Variants in CLSTN1 observed in about 807,000 individuals in gnomAD.
CLSTN1 encodes calsyntenin 1, also known as calsyntenin-1.
CLSTN1 carries 28 observed loss-of-function variants against 108.3 expected under a neutral mutation model. That is an observed-to-expected ratio of 0.26 (90% CI 0.19 to 0.35). CLSTN1 has a LOEUF of 0.35. Among genes scored for constraint, CLSTN1 ranks in the 10% least tolerant of loss-of-function variants. The pLI is 1.00. For missense variants in CLSTN1, 1,157 were observed against 1,302.6 expected (o/e 0.89, Z 1.72); for synonymous variants, 524 against 534.9 (o/e 0.98, Z 0.28).
chr1:9,819,236 T>C (rs1189843415), intron 1 of CLSTN1, among the ~76,000 whole-genome samples: 1 of 152,164 alleles, frequency 6.6e-6, no homozygotes, highest in East Asian at 1.9e-4. Flanking sequence ...TCAACTCTTA[T>C]AAATGAAAAC....
intron 1 of CLSTN1, among the ~76,000 whole-genome samples, chr1:9,773,738 C>G (rs1652801715): frequency 1.3e-5 from 2 of 152,074 alleles, no homozygotes; most frequent in African/African-American, 4.8e-5. Flanking sequence ...ATTTTCACTT[C>G]TTTATGATTT....
intron 1 of CLSTN1, among the ~76,000 whole-genome samples, chr1:9,820,779 C>T (rs1022497943): frequency 2.6e-5 from 4 of 151,856 alleles, no homozygotes; most frequent in African/African-American, 9.7e-5. Flanking sequence ...GGGAAACAGA[C>T]GATAAACAAT....
chr1:9,821,193 C>G (rs959492714), intron 1 of CLSTN1, among the ~76,000 whole-genome samples: 1 of 152,184 alleles, frequency 6.6e-6, no homozygotes, highest in East Asian at 1.9e-4. Context: ...AGTGCAGTGG[C>G]GCAATCTCGG....
intron 1 of CLSTN1, among the ~76,000 whole-genome samples, chr1:9,811,701 A>C (rs1278083971): frequency 6.7e-6 from 1 of 150,036 alleles, no homozygotes. Flanking sequence ...CTATTTACTT[A>C]GTACTCTGAC....
intron 1 of CLSTN1, among the ~76,000 whole-genome samples, chr1:9,818,726 C>A (rs895859561): frequency 1.3e-5 from 2 of 149,194 alleles, no homozygotes; most frequent in Non-Finnish European, 3.0e-5. Context: ...TATTTTGTAG[C>A]AAATCAACAT....
intron 1 of CLSTN1, among the ~76,000 whole-genome samples, chr1:9,814,970 T>A (rs1359409406): frequency 6.6e-6 from 1 of 152,160 alleles, no homozygotes; most frequent in Non-Finnish European, 1.5e-5. Flanking sequence ...TTTTTTCCAG[T>A]CCCTTTCATT....
chr1:9,792,680 A>C (rs1653821649), intron 1 of CLSTN1, among the ~76,000 whole-genome samples: 1 of 151,424 alleles, frequency 6.6e-6, no homozygotes, highest in South Asian at 2.2e-4. Context: ...TGAATCCCAG[A>C]ATACCCCAGA....
Position 9,734,992 on chromosome 1 carries a change from G to A in CLSTN1, c.2066C>T (p.Thr689Met), listed in dbSNP as rs777858203. The A allele has an allele frequency of 5.6e-6, 9 of 1,614,074 alleles. No homozygotes were observed. The highest frequency in any genetic ancestry group is 7.6e-6 in the Non-Finnish European group (9 of 1,180,028). Residue 689 changes from threonine to methionine, a missense_variant, in exon 14 of 19, where the codon ACG becomes ATG. Thr to Met is a moderately conservative substitution (Grantham distance 81, BLOSUM62 -1). Transcript: ENST00000377298. This position sits in a 1 kb window ranked among gnomAD's most constrained non-coding sequence, Gnocchi z 4.8. ...FPELRIISTI[T>M]REVEPEGDGA... ...GTCCCCTTCAGGCTCCACTTCTCTC[G>A]TGATGGTGCTGATGATGCGAAGCTC...
At chr1:9,817,438 C>T (rs1655016008) in intron 1 of CLSTN1, among the ~76,000 whole-genome samples, 1 of 152,170 alleles carries the variant, frequency 6.6e-6, no homozygotes, top group Non-Finnish European at 1.5e-5. Context: ...AGCAATTCTC[C>T]TGCCTCAGCC....
rs553608009 is a variant in CLSTN1 at position 9,802,423 on chromosome 1, T to C, written c.91+21220A>G. Reference sequence around the variant, plus strand: ...CTGCAACTGTGATTTCAGCAGAGTGTGCAAATTTCTGAGATGTTCACATTA... The same window carrying C: ...CTGCAACTGTGATTTCAGCAGAGTGCGCAAATTTCTGAGATGTTCACATTA... On this transcript the variant is annotated intron_variant, in intron 1 of 18. Transcript: ENST00000377298. Among the ~76,000 whole-genome samples, 5 of 152,332 alleles carry C rather than the reference T, an allele frequency of 3.3e-5. No individual in the cohort carries two copies. In the East Asian group the frequency reaches 9.6e-4, roughly 29 times the overall value.
At chr1:9,744,155 T>C in intron 8 of CLSTN1, 150 bp from the exon 9 acceptor site, 4 of 1,223,766 alleles carry the variant, frequency 3.3e-6, no homozygotes, top group Non-Finnish European at 4.5e-6. Flanking sequence ...ACAAATACAC[T>C]TGGGCTTTCC....
In CLSTN1 at chr1:9,796,633, A is replaced by G. The variant is rs187994100; in HGVS notation, c.92-23239T>C. Among the ~76,000 whole-genome samples the G allele has an allele frequency of 6.8e-5, 10 of 146,554 alleles. 1 individual carries two copies. The East Asian group carries it at 1.9e-3, about 28-fold the overall frequency. On this transcript the variant is annotated intron_variant, in intron 1 of 18. Coordinates refer to ENST00000377298, the MANE Select transcript of CLSTN1 (RefSeq NM_001009566.3). Reference sequence around the variant, plus strand: ...TGAGAGGCGGAGCTTGCAGTGAGCCAAGATCACGCCACTGCACTCCAGCCT... The same window carrying G: ...TGAGAGGCGGAGCTTGCAGTGAGCCGAGATCACGCCACTGCACTCCAGCCT...
intron 1 of CLSTN1, among the ~76,000 whole-genome samples, chr1:9,795,868 C>T (rs1306584487): frequency 6.6e-6 from 1 of 150,474 alleles, no homozygotes; most frequent in Non-Finnish European, 1.5e-5. Context: ...GGCAGGAGAA[C>T]TGCTTGAGCC....
intron 2 of CLSTN1, among the ~76,000 whole-genome samples, chr1:9,765,084 A>T (rs1652261206): frequency 6.6e-6 from 1 of 152,028 alleles, no homozygotes; most frequent in Non-Finnish European, 1.5e-5. Context: ...CAAATACCTT[A>T]ATATTTCAAC....
In CLSTN1 at chr1:9,734,304, G is replaced by T. The variant is rs1181009857; in HGVS notation, c.2111-162C>A. ...TGCTTTCAAGAAACGGCTGGGCGCA[G>T]TGGCTCACGCCTGTAATCCCAGCAC... is the stretch of plus-strand genomic sequence containing the variant. On this transcript the variant is annotated intron_variant, in intron 14 of 18. Transcript: ENST00000377298. The surrounding 1 kb of genome is among the most constrained non-coding windows in gnomAD (Gnocchi z 4.8). 6.6e-6 allele frequency among the ~76,000 whole-genome samples: 1 copy of T among 152,226 alleles called. No homozygotes were observed. Among genetic ancestry groups the T allele is most frequent in the Non-Finnish European group, 1.5e-5 (1 of 68,042 alleles).
chr1:9,788,993 G>C (rs1438282994), intron 1 of CLSTN1, among the ~76,000 whole-genome samples: 3 of 151,050 alleles, frequency 2.0e-5, no homozygotes, highest in Non-Finnish European at 4.4e-5. Flanking sequence ...GTGCCCCCCT[G>C]CTGTGGCATG....
Position 9,822,549 on chromosome 1 carries a change from A to G in CLSTN1, c.91+1094T>C, listed in dbSNP as rs1288262280. Among the ~76,000 whole-genome samples, 3 of 152,324 alleles carry G rather than the reference A, an allele frequency of 2.0e-5. No homozygotes were observed. In the East Asian group the frequency reaches 5.8e-4, roughly 29 times the overall value. On this transcript the variant is annotated intron_variant, in intron 1 of 18. Transcript: ENST00000377298. ...CCCCAAAATTTCTTTTGATTAAAAA[A>G]AAATCAGAACAACAGATTTAAGCCT...
intron 1 of CLSTN1, chr1:9,780,850 T>C (rs950820719): frequency 5.1e-5 from 13 of 256,204 alleles, no homozygotes; most frequent in South Asian, 8.5e-5. Context: ...GCCTCAGCCA[T>C]GGCGAGTAGC....
Position 9,733,381 on chromosome 1 carries a change from A to G in CLSTN1, c.2427+20T>C, listed in dbSNP as rs200590354. The G allele has an allele frequency of 5.0e-6, 8 of 1,613,996 alleles. No individual in the cohort carries two copies. Among genetic ancestry groups the G allele is most frequent in the Non-Finnish European group, 6.8e-6 (8 of 1,179,890 alleles). ...CTCACTGCTGCTATTGGCCCTGCTC[A>G]GTGGGAGCCTTGTACTCACCTCCAC... is the stretch of plus-strand genomic sequence containing the variant. On this transcript the variant is annotated intron_variant, in intron 16 of 18. Coordinates refer to ENST00000377298, the MANE Select transcript of CLSTN1 (RefSeq NM_001009566.3).
Sources: gnomAD v4.1 joint callset for allele counts (sites outside exome capture counted in the v4.1 genomes callset) on GRCh38, gnomAD v4.1.1 for gene constraint, Gnocchi (gnomAD v3.1) non-coding constraint, MANE v1.5 for transcripts, NCBI Gene and HGNC (gene_info 2026-07-23, HGNC 2026-07-21) for gene names.